Variants in PKD1L3 observed in about 807,000 individuals in gnomAD.
The protein encoded by PKD1L3 is polycystin 1 like 3, transient receptor potential channel interacting.
A neutral mutation model predicts 184.1 loss-of-function variants in PKD1L3; 239 were observed. The ratio of observed to expected loss-of-function variants is 1.30; its 90% CI spans 1.17 to 1.45. The LOEUF (loss-of-function observed/expected upper bound fraction) is 1.45, where lower values mean the gene tolerates loss of function less well. Ranked by LOEUF, PKD1L3 falls within the 40% of genes most tolerant of loss-of-function variation. The pLI, the probability that PKD1L3 is intolerant of heterozygous loss-of-function variation, is 0.00. For missense variants in PKD1L3, 2,660 were observed against 2,067.2 expected (o/e 1.29, Z -5.56); for synonymous variants, 996 against 778.8 (o/e 1.28, Z -4.64).
At chr16:71,973,060 T>C (rs560401250) in intron 12 of PKD1L3, among the ~76,000 whole-genome samples, 1 of 152,326 alleles carries the variant, frequency 6.6e-6, no homozygotes, top group Non-Finnish European at 1.5e-5. Context: ...CACACGCTAT[T>C]TTATCCACAC....
At chr16:71,986,661 TTTATA>T (rs1286911424) in intron 4 of PKD1L3, among the ~76,000 whole-genome samples, 192 bp from the exon 5 acceptor site, 3 of 152,162 alleles carry the variant, frequency 2.0e-5, no homozygotes, top group Non-Finnish European at 4.4e-5. Flanking sequence ...AGATTCATGA[TTTATA>T]TTAGTGTATT....
intron 4 of PKD1L3, among the ~76,000 whole-genome samples, chr16:71,989,005 T>A (rs1156352343): frequency 6.6e-6 from 1 of 152,190 alleles, no homozygotes; most frequent in East Asian, 1.9e-4. Context: ...GGTACCAAGG[T>A]CAGAGTGCTG....
At chr16:71,940,616 C>G (rs1165116177) in intron 24 of PKD1L3, among the ~76,000 whole-genome samples, 2 of 151,940 alleles carry the variant, frequency 1.3e-5, no homozygotes, top group Non-Finnish European at 2.9e-5. Flanking sequence ...TCTCCTGTCT[C>G]AGCCTCCTGA....
At chr16:71,942,460 C>G in intron 24 of PKD1L3, 100 bp downstream of exon 24, 2 of 1,061,530 alleles carry the variant, frequency 1.9e-6, no homozygotes, top group Admixed American at 2.6e-5. Context: ...TTGTACTCTT[C>G]CAGGAAGTTA....
In PKD1L3 at chr16:71,979,852, C is replaced by T. The variant is rs1486292098; in HGVS notation, c.1332G>A (p.Arg444=). The T allele has an allele frequency of 6.5e-7, 1 of 1,528,734 alleles. No individual in the cohort carries two copies. Among genetic ancestry groups the T allele is most frequent in the East Asian group, 2.4e-5 (1 of 40,830 alleles). 94.7% of individuals were successfully genotyped at this position (1,528,734 alleles called of 1,614,324 possible). A position where few individuals can be genotyped will look rare whatever the true frequency, so the allele number is the denominator to read the frequency against. Residue 444 remains arginine (R), a synonymous_variant, in exon 9 of 30, where the codon AGG becomes AGA. Transcript: ENST00000620267. ...SYTLGHPAPV[R]LGFPSALALK... is the part of the protein sequence containing the mutation. ...AAGCTAAAGCCGACGGAAAGCCTAG[C>T]CTCACAGGGGCTGGGTGACCCAGAG...
intron 5 of PKD1L3, among the ~76,000 whole-genome samples, chr16:71,985,042 A>G (rs1178964433): frequency 1.3e-5 from 2 of 152,164 alleles, no homozygotes; most frequent in African/African-American, 4.8e-5. Flanking sequence ...TGCCAACTAC[A>G]TGGTCCATTT....
At position 71,982,190 on chromosome 16, in the gene PKD1L3, T is replaced by C; in HGVS notation, c.1012A>G (p.Arg338Gly). ...CTGTTGTTGTTCTGAAATGGGATCC[T>C]GAGTAACTCCTCACTCAGGTAAATA... Reference protein sequence around the residue: ...SLIYLSEELLRIPFQNNNSLG... With the variant: ...SLIYLSEELLGIPFQNNNSLG... The change falls in exon 7 of 30, where the codon AGG (arginine) becomes GGG (glycine). Residue 338 changes from arginine to glycine, a missense_variant. Coordinates refer to ENST00000620267, the MANE Select transcript of PKD1L3 (RefSeq NM_181536.2). The C allele has an allele frequency of 6.5e-6, 10 of 1,550,012 alleles. No homozygotes were observed. Among genetic ancestry groups the C allele is most frequent in the Non-Finnish European group, 7.9e-6 (9 of 1,146,278 alleles).
Position 71,944,053 on chromosome 16 carries a change from AAG to A in PKD1L3, c.3834_3835del (p.Phe1279GlnfsTer28). The A allele has an allele frequency of 5.8e-6, 9 of 1,551,930 alleles. No individual in the cohort carries two copies. Among genetic ancestry groups the A allele is most frequent in the Non-Finnish European group, 7.8e-6 (9 of 1,147,042 alleles). On this transcript the variant is annotated frameshift_variant, in exon 23 of 30. Transcript: ENST00000620267. LOFTEE classifies it high-confidence loss of function. Reference sequence around the variant, plus strand: ...ACCCAAAATATCTCCAGTCAGCTTGAAGAGTTTCTTCTTTTTCAAGGTTCTTT... The same window carrying A: ...ACCCAAAATATCTCCAGTCAGCTTGAAGTTTCTTCTTTTTCAAGGTTCTTT...
rs1481434829 is a variant in PKD1L3 at position 71,950,141 on chromosome 16, A to C, written c.3360T>G (p.Leu1120=). The change falls in exon 20 of 30, where the codon CTT becomes CTG. Residue 1120 remains leucine, a synonymous_variant. Coordinates refer to ENST00000620267, the MANE Select transcript of PKD1L3 (RefSeq NM_181536.2). ...KLQELLETHI[L]PTEQEPSREV... Reference sequence around the variant, plus strand: ...ACCTGGATGGCTCTTGCTCCGTGGGAAGAATATGTGTTTCCAAGAGTTCCT... The same window carrying C: ...ACCTGGATGGCTCTTGCTCCGTGGGCAGAATATGTGTTTCCAAGAGTTCCT... 2 of 1,551,924 alleles carry C rather than the reference A, an allele frequency of 1.3e-6. No homozygotes were observed. Among genetic ancestry groups the C allele is most frequent in the Non-Finnish European group, 1.7e-6 (2 of 1,147,048 alleles).
At chr16:71,935,547 C>A in intron 25 of PKD1L3, 29 bp from the exon 26 acceptor site, 1 of 1,545,620 alleles carries the variant, frequency 6.5e-7, no homozygotes, top group East Asian at 2.4e-5. Context: ...GTCACTGTTG[C>A]TTGTCTGAGA....
At chr16:71,986,101 T>G (rs112046841) in intron 5 of PKD1L3, 120 bp downstream of exon 5, 3 of 1,295,902 alleles carry the variant, frequency 2.3e-6, no homozygotes, top group African/African-American at 3.0e-5. Context: ...TGTTTTGGAT[T>G]GGCATATACG....
chr16:71,981,270 C>T (rs188935632), intron 7 of PKD1L3, among the ~76,000 whole-genome samples: 54 of 152,206 alleles, frequency 3.5e-4, no homozygotes, highest in Admixed American at 1.9e-3. Context: ...GGTTACATGG[C>T]GATTCTATTT....
intron 13 of PKD1L3, 57 bp downstream of exon 13, chr16:71,969,818 T>C: frequency 6.9e-7 from 1 of 1,444,940 alleles, no homozygotes; most frequent in South Asian, 1.4e-5. Flanking sequence ...TTTTCCTTCA[T>C]CTTATTTAAT....
chr16:71,941,453 A>G (rs897734587), intron 24 of PKD1L3, among the ~76,000 whole-genome samples: 1 of 152,130 alleles, frequency 6.6e-6, no homozygotes, highest in African/African-American at 2.4e-5. Context: ...AGGAGTTACA[A>G]TGTCAAAATG....
chr16:71,955,482 A>G (rs906764358), intron 16 of PKD1L3, among the ~76,000 whole-genome samples: 1 of 152,012 alleles, frequency 6.6e-6, no homozygotes, highest in Non-Finnish European at 1.5e-5. Flanking sequence ...CACATAACAG[A>G]ATATCATTTA....
chr16:71,972,234 C>CAAA (rs145226854), intron 12 of PKD1L3, among the ~76,000 whole-genome samples: 4 of 149,090 alleles, frequency 2.7e-5, no homozygotes, highest in African/African-American at 9.9e-5. Context: ...CACAAAAAAA[C>CAAA]AAAAAAAAAC....
rs35268514 is a variant in PKD1L3 at position 71,956,184 on chromosome 16, A to ATTTTTTT, written c.2613-1890_2613-1884dup. On this transcript the variant is annotated intron_variant, in intron 16 of 29. Transcript: ENST00000620267. ...ATCATTTAGCTTTAAAAAGGAAGGAATTTTTTTTTTTTTTTTTTTTTTTTG... is the reference window on the plus strand; with the variant it reads ...ATCATTTAGCTTTAAAAAGGAAGGAATTTTTTTTTTTTTTTTTTTTTTTTTTTTTTTG... Among the ~76,000 whole-genome samples the ATTTTTTT allele has an allele frequency of 5.2e-3, 433 of 82,746 alleles. 10 individuals are homozygous for ATTTTTTT. Among genetic ancestry groups the ATTTTTTT allele is most frequent in the African/African-American group, 0.014 (253 of 18,610 alleles). The allele number at this position is 82,746 out of a possible 152,430, so 54.3% of individuals were successfully genotyped here.
At chr16:71,982,278 C>CTTTTTTTTTTTTT (rs35324670) in intron 6 of PKD1L3, 43 bp from the exon 7 acceptor site, 8 of 432,762 alleles carry the variant, frequency 1.8e-5, no homozygotes, top group East Asian at 8.4e-5. Context: ...GAATTGTTTG[C>CTTTTTTTTTTTTT]TTTTTTTTTT....
intron 11 of PKD1L3, among the ~76,000 whole-genome samples, chr16:71,976,264 C>CTTTTTTTTTTTTTTTTTTTTTT (rs71153688): frequency 2.4e-5 from 2 of 81,774 alleles, no homozygotes; most frequent in African/African-American, 4.8e-5. Flanking sequence ...CCCAGCCTGT[C>CTTTTTTTTTTTTTTTTTTTTTT]TTTTTTTTTT....
Sources: allele counts gnomAD v4.1 joint callset (sites outside exome capture counted in the v4.1 genomes callset), GRCh38; gene constraint gnomAD v4.1.1; transcripts MANE v1.5; gene names NCBI Gene and HGNC (gene_info 2026-07-23, HGNC 2026-07-21).